Variants in MND1 observed in about 807,000 individuals in gnomAD.
MND1 encodes meiotic nuclear division protein 1 homolog.
MND1 carries 28 observed loss-of-function variants against 35.1 expected under a neutral mutation model. The ratio of observed to expected loss-of-function variants is 0.80; its 90% confidence interval spans 0.59 to 1.09. The LOEUF (loss-of-function observed/expected upper bound fraction) is 1.09, where lower values mean the gene tolerates loss of function less well. Among genes scored for constraint, MND1 ranks in the 50% least tolerant of loss-of-function variants. MND1 has a pLI of 0.00. For missense variants in MND1, 213 were observed against 239.6 expected (o/e 0.89, Z 0.73); for synonymous variants, 69 against 70.5 (o/e 0.98, Z 0.11).
At chr4:153,390,693 C>T (rs1728995431) in intron 4 of MND1, among the ~76,000 whole-genome samples, 1 of 151,776 alleles carries the variant, frequency 6.6e-6, no homozygotes, top group Admixed American at 6.6e-5. Context: ...AAAAAAAATA[C>T]AAAAATTAGC....
intron 4 of MND1, among the ~76,000 whole-genome samples, chr4:153,392,194 C>T (rs533709034): frequency 6.6e-6 from 1 of 151,810 alleles, no homozygotes; most frequent in Non-Finnish European, 1.5e-5. Flanking sequence ...CTCCACCTCC[C>T]GGGTTCATGC....
At chr4:153,370,360 TCTC>T (rs1052137195) in intron 4 of MND1, among the ~76,000 whole-genome samples, 40 of 152,140 alleles carry the variant, frequency 2.6e-4, no homozygotes, top group African/African-American at 9.6e-4. Flanking sequence ...ATTCTCTGCT[TCTC>T]CTTCTCATTC....
At chr4:153,394,196 G>C (rs1246500234) in intron 4 of MND1, 66 bp from the exon 5 acceptor site, 3 of 1,484,918 alleles carry the variant, frequency 2.0e-6, no homozygotes, top group East Asian at 2.4e-5. Flanking sequence ...GGTGGACTTT[G>C]TTTTCATCAA....
intron 4 of MND1, among the ~76,000 whole-genome samples, chr4:153,362,306 G>A (rs1773515658): frequency 6.6e-6 from 1 of 152,194 alleles, no homozygotes; most frequent in African/African-American, 2.4e-5. Context: ...CTGATGGCAA[G>A]TGATTGGATC....
intron 1 of MND1, among the ~76,000 whole-genome samples, chr4:153,345,878 A>G (rs534353800): frequency 1.3e-5 from 2 of 152,276 alleles, no homozygotes; most frequent in South Asian, 4.1e-4. Context: ...CTGTGTTACA[A>G]TTTTTCTCTG....
chr4:153,367,224 G>A (rs865832284), intron 4 of MND1, among the ~76,000 whole-genome samples: 18 of 152,206 alleles, frequency 1.2e-4, no homozygotes, highest in African/African-American at 3.1e-4. Flanking sequence ...TAGATGTACA[G>A]TCATCACTAC....
chr4:153,391,360 C>T (rs1225162831), intron 4 of MND1, among the ~76,000 whole-genome samples: 1 of 151,706 alleles, frequency 6.6e-6, no homozygotes, highest in Non-Finnish European at 1.5e-5. Context: ...ACAGGGTTTC[C>T]CCATGTTGGT....
chr4:153,400,945 C>T (rs1229826287), intron 6 of MND1, among the ~76,000 whole-genome samples: 1 of 151,926 alleles, frequency 6.6e-6, no homozygotes, highest in Non-Finnish European at 1.5e-5. Context: ...TAAAAAAGAC[C>T]CAGGTCAAAC....
At chr4:153,404,521 T>G (rs1326207299) in intron 6 of MND1, among the ~76,000 whole-genome samples, 1 of 142,574 alleles carries the variant, frequency 7.0e-6, no homozygotes, top group East Asian at 2.1e-4. Context: ...TTCAGTCTTG[T>G]GGGAGTGCAG....
intron 6 of MND1, among the ~76,000 whole-genome samples, chr4:153,404,974 G>A (rs1729454990): frequency 2.0e-5 from 3 of 151,722 alleles, no homozygotes; most frequent in Admixed American, 1.3e-4. Context: ...GGCTCAAGCA[G>A]TCCTCCTGCC....
chr4:153,363,065 T>A, intron 4 of MND1: 1 of 960,200 alleles, frequency 1.0e-6, no homozygotes, highest in Non-Finnish European at 1.2e-6. Flanking sequence ...TGCTGGTACT[T>A]TGAGCTATAT....
chr4:153,366,321 G>A (rs1340584324), intron 4 of MND1, among the ~76,000 whole-genome samples: 1 of 152,168 alleles, frequency 6.6e-6, no homozygotes, highest in Non-Finnish European at 1.5e-5. Flanking sequence ...AGGTTCCAAG[G>A]ATTGGGACCT....
chr4:153,350,967 AAAC>A (rs1235676496), intron 2 of MND1, among the ~76,000 whole-genome samples: 13 of 151,386 alleles, frequency 8.6e-5, no homozygotes, highest in African/African-American at 2.9e-4. Flanking sequence ...AAAAAAAAAA[AAAC>A]AAACAAAATA....
At chr4:153,397,416 C>A in intron 6 of MND1, 83 bp downstream of exon 6, 1 of 923,916 alleles carries the variant, frequency 1.1e-6, no homozygotes, top group Non-Finnish European at 1.6e-6. Context: ...TAACTATTCT[C>A]CATGTATATG....
intron 4 of MND1, among the ~76,000 whole-genome samples, chr4:153,392,771 T>C (rs2149652184): frequency 6.6e-6 from 1 of 152,352 alleles, no homozygotes; most frequent in East Asian, 1.9e-4. Flanking sequence ...CATTTCCACA[T>C]ATAACTTACC....
intron 4 of MND1, among the ~76,000 whole-genome samples, chr4:153,377,616 A>T (rs923314209): frequency 2.6e-5 from 4 of 152,304 alleles, no homozygotes; most frequent in Admixed American, 2.6e-4. Context: ...AAATAATGAT[A>T]GTACAAAAGA....
intron 3 of MND1, among the ~76,000 whole-genome samples, chr4:153,358,088 A>G (rs1217190633): frequency 6.6e-6 from 1 of 152,184 alleles, no homozygotes; most frequent in Non-Finnish European, 1.5e-5. Flanking sequence ...TTTTATTGAC[A>G]TTACTGCTAT....
intron 7 of MND1, among the ~76,000 whole-genome samples, chr4:153,413,550 C>T (rs946491915): frequency 3.3e-5 from 5 of 152,000 alleles, no homozygotes; most frequent in Non-Finnish European, 2.9e-5. Context: ...TGGTGGTGCA[C>T]GCCTGTTGTC....
At position 153,345,454 on chromosome 4, in the gene MND1, G is replaced by A. The variant is rs568620870; in HGVS notation, c.3+714G>A. 4.4e-4 allele frequency: 438 copies of A among 985,450 alleles called. 5 individuals carry two copies. The South Asian group carries it at 0.018, about 40-fold the overall frequency. The allele number at this position is 985,450 out of a possible 1,614,324, so 61.0% of individuals were successfully genotyped here. On this transcript the variant is annotated intron_variant, in intron 1 of 7. Coordinates refer to ENST00000240488, the MANE Select transcript of MND1 (RefSeq NM_032117.4). ...TGTAGGGCGCTGTTGCTTTTTTAAG[G>A]ACGCTCTGCACTGAATTAGGCTTCC... is the stretch of plus-strand genomic sequence containing the variant.
Sources: allele counts gnomAD v4.1 joint callset (sites outside exome capture counted in the v4.1 genomes callset), GRCh38; gene constraint gnomAD v4.1.1; transcripts MANE v1.5; gene names NCBI Gene and HGNC (gene_info 2026-07-23, HGNC 2026-07-21).